Variants in PNPT1 observed in about 807,000 individuals in gnomAD.
PNPT1 encodes the protein polyribonucleotide nucleotidyltransferase 1, mitochondrial.
A neutral mutation model predicts 119.5 loss-of-function variants in PNPT1; 53 were observed. That is an observed-to-expected ratio of 0.44 (90% CI 0.36 to 0.56). PNPT1 has a LOEUF of 0.56. Ranked by LOEUF, PNPT1 falls within the 20% of genes least tolerant of loss-of-function variation. The pLI, the probability that PNPT1 is intolerant of heterozygous loss-of-function variation, is 0.00. For missense variants in PNPT1, 948 were observed against 938.5 expected (o/e 1.01, Z -0.13); for synonymous variants, 357 against 322.1 (o/e 1.11, Z -1.16).
At position 55,680,822 on chromosome 2, in the gene PNPT1, T is replaced by C. The variant is rs1697225357; in HGVS notation, c.517+33A>G. On this transcript the variant is annotated intron_variant, in intron 6 of 27. Coordinates refer to ENST00000447944, the MANE Select transcript of PNPT1 (RefSeq NM_033109.5). ...TTCATTGCTTTAAAAAAATTTTTAA[T>C]CTGATAATTTTAATCTCTACTTTTA... 4 of 1,611,380 alleles carry C rather than the reference T, an allele frequency of 2.5e-6. No individual in the cohort carries two copies. The African/African-American group carries it at 5.3e-5, about 22-fold the overall frequency.
Position 55,684,556 on chromosome 2 carries a change from T to C in PNPT1, c.403+387A>G, listed in dbSNP as rs530160748. On this transcript the variant is annotated intron_variant, in intron 4 of 27. Coordinates refer to ENST00000447944, the MANE Select transcript of PNPT1 (RefSeq NM_033109.5). ...AAAGATTTGAAAGATTATGGACATA[T>C]TTCAGTAGCTGATGAACATAATGTT... Among the ~76,000 whole-genome samples the C allele has an allele frequency of 4.6e-5, 7 of 152,340 alleles. No homozygotes were observed. The South Asian group carries it at 1.4e-3, about 32-fold the overall frequency.
chr2:55,676,862 CAAA>C (rs1233955537), intron 8 of PNPT1, among the ~76,000 whole-genome samples: 2 of 103,752 alleles, frequency 1.9e-5, no homozygotes, highest in Admixed American at 9.5e-5. Context: ...ACCTGGTCTC[CAAA>C]AAAAAAAAAA....
chr2:55,693,747 C>A lies in PNPT1; in HGVS notation c.77G>T (p.Arg26Leu). Residue 26 changes from arginine (R) to leucine (L), a missense_variant, in exon 1 of 28, where the codon CGG (arginine) becomes CTG (leucine). Physicochemically the swap from Arg to Leu is moderately radical, Grantham distance 102. Coordinates refer to ENST00000447944, the MANE Select transcript of PNPT1 (RefSeq NM_033109.5). ...LSDGPFLLPR[R>L]DRALTQLQVR... ...TTGCAACTGGGTGAGTGCCCGATCC[C>A]GCCGTGGCAGAAGGAAAGGACCATC... 1 of 1,614,212 alleles carries A rather than the reference C, an allele frequency of 6.2e-7. No homozygotes were observed. The highest frequency in any genetic ancestry group is 2.2e-5 in the East Asian group (1 of 44,886).
intron 4 of PNPT1, among the ~76,000 whole-genome samples, chr2:55,684,200 T>G (rs751696238): frequency 2.0e-5 from 3 of 152,164 alleles, no homozygotes. Context: ...ATACATAAAA[T>G]AGCAATTTCT....
chr2:55,692,862 A>G (rs902370855), intron 1 of PNPT1, among the ~76,000 whole-genome samples: 5 of 152,108 alleles, frequency 3.3e-5, no homozygotes, highest in South Asian at 2.1e-4. Context: ...TTAGCCTCCC[A>G]AAGTGCTGGG....
intron 3 of PNPT1, 112 bp downstream of exon 3, chr2:55,686,258 C>T: frequency 3.3e-6 from 3 of 916,874 alleles, no homozygotes; most frequent in African/African-American, 1.7e-5. Context: ...AGGAAAAATT[C>T]TTTGTTGTGC....
chr2:55,675,698 AAAAG>A (rs758856556), intron 8 of PNPT1, among the ~76,000 whole-genome samples: 33 of 152,192 alleles, frequency 2.2e-4, no homozygotes, highest in Admixed American at 3.3e-4. Context: ...CTGTCTTAAA[AAAAG>A]AAAGAAAGAA....
rs1450683540 is a variant in PNPT1, at chr2:55,667,526, G to A, written c.1073+336C>T. Reference sequence around the variant, plus strand: ...GGAGAATGACGTGAACCCGGAAGGCGGAGCTTGCAGTGAGCCGAGATTGCA... The same window carrying A: ...GGAGAATGACGTGAACCCGGAAGGCAGAGCTTGCAGTGAGCCGAGATTGCA... On this transcript the variant is annotated intron_variant, in intron 12 of 27. Coordinates refer to ENST00000447944, the MANE Select transcript of PNPT1 (RefSeq NM_033109.5). Among the ~76,000 whole-genome samples the A allele has an allele frequency of 2.0e-5, 3 of 151,800 alleles. No homozygotes were observed. The East Asian group carries it at 5.8e-4, about 29-fold the overall frequency.
Position 55,687,634 on chromosome 2 carries a change from G to A in PNPT1, c.222+11C>T. 1 of 1,558,666 alleles carries A rather than the reference G, an allele frequency of 6.4e-7. No homozygotes were observed. Among genetic ancestry groups the A allele is most frequent in the Non-Finnish European group, 8.6e-7 (1 of 1,156,606 alleles). ...TTTTTAAGATGAATTTTAAAAATCT[G>A]GACTTTTTACCTGTACTACAGCAGA... On this transcript the variant is annotated intron_variant, in intron 2 of 27. Coordinates refer to ENST00000447944, the MANE Select transcript of PNPT1 (RefSeq NM_033109.5).
chr2:55,649,412 C>G (rs1696104063), intron 18 of PNPT1, among the ~76,000 whole-genome samples: 1 of 152,316 alleles, frequency 6.6e-6, no homozygotes, highest in East Asian at 1.9e-4. Context: ...TTTCTTTCCT[C>G]ATTTCCTATA....
In PNPT1 at chr2:55,634,234, TA is replaced by T. The variant is rs1695594075; in HGVS notation, c.*2002del. 6.6e-6 allele frequency: 1 copy of T among 151,788 alleles called. No homozygotes were observed. The highest frequency in any genetic ancestry group is 2.4e-5 in the African/African-American group (1 of 41,324). The allele number at this position is 151,788 out of a possible 1,614,324, so 9.4% of individuals were successfully genotyped here. On this transcript the variant is annotated 3_prime_UTR_variant, in exon 28 of 28. Coordinates refer to ENST00000447944, the MANE Select transcript of PNPT1 (RefSeq NM_033109.5). ...GATAAATTTGTAATATTTTATGAACTAGTTAACCCTGAGTCATGAATTTACC... is the reference window on the plus strand; with the variant it reads ...GATAAATTTGTAATATTTTATGAACTGTTAACCCTGAGTCATGAATTTACC...
At chr2:55,693,531 G>C in intron 1 of PNPT1, 132 bp downstream of exon 1, 2 of 1,320,096 alleles carry the variant, frequency 1.5e-6, no homozygotes, top group South Asian at 1.5e-5. Context: ...GGGAAATTTG[G>C]AATTTAGGTT....
chr2:55,662,593 C>T (rs932943734), intron 13 of PNPT1, among the ~76,000 whole-genome samples: 3 of 152,080 alleles, frequency 2.0e-5, no homozygotes, highest in African/African-American at 4.8e-5. Context: ...AAGAATAGCT[C>T]GAATCCAACA....
intron 1 of PNPT1, among the ~76,000 whole-genome samples, chr2:55,692,876 A>G (rs1697665348): frequency 6.6e-6 from 1 of 152,164 alleles, no homozygotes; most frequent in Non-Finnish European, 1.5e-5. Flanking sequence ...TGCTGGGATT[A>G]CAGGTGTGAG....
chr2:55,639,220 A>G (rs1193024606), intron 26 of PNPT1, among the ~76,000 whole-genome samples: 1 of 152,362 alleles, frequency 6.6e-6, no homozygotes, highest in African/African-American at 2.4e-5. Context: ...TAGGAGAAAG[A>G]TATATGAGGG....
At chr2:55,638,923 C>T (rs770325051) in intron 26 of PNPT1, among the ~76,000 whole-genome samples, 8 of 152,020 alleles carry the variant, frequency 5.3e-5, no homozygotes, top group Middle Eastern at 3.4e-3. Context: ...TACAGGTGCA[C>T]GCCATCATGC....
intron 11 of PNPT1, among the ~76,000 whole-genome samples, chr2:55,670,408 G>A (rs1296472049): frequency 2.6e-5 from 4 of 151,366 alleles, no homozygotes; most frequent in South Asian, 4.2e-4. Context: ...GGATGGTCTC[G>A]ATCTCTTGAC....
chr2:55,667,011 A>G lies in PNPT1; in HGVS notation c.1156T>C (p.Phe386Leu), dbSNP rs1696753255. 6.3e-7 allele frequency: 1 copy of G among 1,593,402 alleles called. No individual in the cohort carries two copies. Residue 386 changes from phenylalanine (F) to leucine (L), a missense_variant, in exon 13 of 28, where the codon TTT becomes CTT. By Grantham distance (22) the Phe-to-Leu change is conservative. Coordinates refer to ENST00000447944, the MANE Select transcript of PNPT1 (RefSeq NM_033109.5). ...MFKTLHGSAL[F>L]QRGQTQVLCT... ...ATTACCTGTGTTTGTCCTCTTTGAA[A>G]TAATGCTGATCCATGAAGGGTTTTA... is the stretch of plus-strand genomic sequence containing the variant.
intron 17 of PNPT1, among the ~76,000 whole-genome samples, chr2:55,655,895 A>G (rs1308002360): frequency 6.6e-6 from 1 of 152,226 alleles, no homozygotes; most frequent in African/African-American, 2.4e-5. Flanking sequence ...AAACAAGCCA[A>G]ACTGGATCTA....
Sources: gnomAD v4.1 joint callset for allele counts (sites outside exome capture counted in the v4.1 genomes callset) on GRCh38, gnomAD v4.1.1 for gene constraint, MANE v1.5 for transcripts, NCBI Gene and HGNC (gene_info 2026-07-23, HGNC 2026-07-21) for gene names.